AKAP7: variants seen among roughly 807,000 people sequenced by gnomAD.
AKAP7 encodes A-kinase anchoring protein 7.
Under a neutral mutation model 39.5 loss-of-function variants are expected in AKAP7, and 39 were observed. The observed-to-expected ratio is 0.99, with a 90% CI of 0.76 to 1.29. The LOEUF (loss-of-function observed/expected upper bound fraction) is 1.29. Among genes scored for constraint, AKAP7 ranks in the 50% most tolerant of loss-of-function variants. The pLI, the probability that AKAP7 is intolerant of heterozygous loss-of-function variation, is 0.00. For missense variants in AKAP7, 414 were observed against 407.7 expected, an observed-to-expected ratio of 1.02 and a Z score of -0.13; for synonymous variants, 140 against 139.1, an observed-to-expected ratio of 1.01 and a Z score of -0.05.
At chr6:131,220,947 G>A (rs1307397145) in intron 7 of AKAP7, among the ~76,000 whole-genome samples, 1 of 152,056 alleles carries the variant, frequency 6.6e-6, no homozygotes, top group Admixed American at 6.5e-5. Context: ...CCTGTGAAGA[G>A]TCGTACATCT....
intron 7 of AKAP7, among the ~76,000 whole-genome samples, chr6:131,237,795 T>C (rs1036262104): frequency 7.9e-5 from 12 of 152,296 alleles, no homozygotes; most frequent in Admixed American, 6.5e-4. Context: ...TTCTTCTCTC[T>C]TTTCTTCTTT....
At chr6:131,181,586 G>C (rs1177399668) in intron 5 of AKAP7, among the ~76,000 whole-genome samples, 3 of 152,112 alleles carry the variant, frequency 2.0e-5, no homozygotes, top group African/African-American at 4.8e-5. Context: ...GTTGGATCTA[G>C]GATAAAATCT....
At chr6:131,211,543 A>C (rs1188136812) in intron 6 of AKAP7, among the ~76,000 whole-genome samples, 1 of 151,932 alleles carries the variant, frequency 6.6e-6, no homozygotes, top group East Asian at 1.9e-4. Flanking sequence ...AGGTGGGCGG[A>C]TCACGAGGTC....
intron 6 of AKAP7, among the ~76,000 whole-genome samples, chr6:131,210,215 T>C (rs980033840): frequency 2.0e-5 from 3 of 152,238 alleles, no homozygotes; most frequent in African/African-American, 7.2e-5. Context: ...ACCATCAGAA[T>C]CTTACTCTCT....
At chr6:131,127,639 TAAC>T in the AKAP7 span, among the ~76,000 whole-genome samples, 1 of 152,116 alleles carries the variant, frequency 6.6e-6, no homozygotes, top group African/African-American at 2.4e-5. Context: ...AAAATACAAA[TAAC>T]AAACTAGGGG....
intron 6 of AKAP7, among the ~76,000 whole-genome samples, chr6:131,204,205 A>C (rs1460274712): frequency 6.6e-6 from 1 of 152,198 alleles, no homozygotes; most frequent in Non-Finnish European, 1.5e-5. Flanking sequence ...TAATTTAAAA[A>C]GAGAAGTTCT....
intron 5 of AKAP7, among the ~76,000 whole-genome samples, chr6:131,170,388 G>C (rs1803936153): frequency 1.3e-5 from 2 of 151,720 alleles, no homozygotes; most frequent in African/African-American, 2.4e-5. Flanking sequence ...TAATAACCTA[G>C]GAATCTACCA....
chr6:131,140,846 C>T (rs560244881), intron 1 of AKAP7, among the ~76,000 whole-genome samples: 50 of 152,242 alleles, frequency 3.3e-4, no homozygotes, highest in African/African-American at 1.2e-3. Flanking sequence ...TTTATTTAAG[C>T]CTAAGCTGCA....
intron 7 of AKAP7, among the ~76,000 whole-genome samples, chr6:131,258,671 C>T (rs543984322): frequency 1.2e-4 from 19 of 152,132 alleles, no homozygotes; most frequent in South Asian, 6.2e-4. Flanking sequence ...TAGACAAAAG[C>T]GGAACTGTAT....
intron 7 of AKAP7, among the ~76,000 whole-genome samples, chr6:131,258,180 T>A (rs899167737): frequency 6.6e-6 from 1 of 152,148 alleles, no homozygotes; most frequent in Non-Finnish European, 1.5e-5. Context: ...CTTCAATTAA[T>A]GTTGTTGAGC....
chr6:131,150,940 T>G (rs1314436427), intron 2 of AKAP7, among the ~76,000 whole-genome samples: 1 of 152,236 alleles, frequency 6.6e-6, no homozygotes, highest in African/African-American at 2.4e-5. Flanking sequence ...GCTAAATTAT[T>G]TATAAAACAT....
chr6:131,247,561 C>T (rs1279959874), intron 7 of AKAP7, among the ~76,000 whole-genome samples: 1 of 151,506 alleles, frequency 6.6e-6, no homozygotes, highest in Non-Finnish European at 1.5e-5. Flanking sequence ...ATCTCGTGAT[C>T]CACCCACCTT....
In AKAP7 at chr6:131,199,977, CT is replaced by C. The variant is rs1285624857; in HGVS notation, c.702+411del. 4.6e-5 allele frequency: 9 copies of C among 194,940 alleles called. No individual in the cohort carries two copies. In the South Asian group the frequency reaches 5.8e-4, roughly 13 times the overall value. The allele number at this position is 194,940 out of a possible 1,614,324, so 12.1% of individuals were successfully genotyped here. ...GTGCTGCTCACCGCAACTGGGTAAG[CT>C]TTTTTTACCCCTCTTCCTGTCGCTC... is the stretch of plus-strand genomic sequence containing the variant. On this transcript the variant is annotated intron_variant, in intron 6 of 7. Coordinates refer to ENST00000431975, the MANE Select transcript of AKAP7 (RefSeq NM_016377.4).
chr6:131,217,549 C>A (rs1809297457), intron 6 of AKAP7, among the ~76,000 whole-genome samples: 1 of 152,080 alleles, frequency 6.6e-6, no homozygotes, highest in Admixed American at 6.5e-5. Flanking sequence ...GGCGTCATGC[C>A]TTTTTGAACC....
chr6:131,151,661 G>A (rs1434229892), intron 2 of AKAP7, among the ~76,000 whole-genome samples: 3 of 152,032 alleles, frequency 2.0e-5, no homozygotes, highest in Non-Finnish European at 2.9e-5. Flanking sequence ...CAGGAGAATC[G>A]CTTGAACCTA....
At chr6:131,177,498 G>A (rs1804698955) in intron 5 of AKAP7, among the ~76,000 whole-genome samples, 1 of 152,178 alleles carries the variant, frequency 6.6e-6, no homozygotes, top group African/African-American at 2.4e-5. Context: ...CCAGTCCCAT[G>A]AAAGTGAGAA....
At chr6:131,227,447 T>A (rs1810267076) in intron 7 of AKAP7, among the ~76,000 whole-genome samples, 1 of 151,944 alleles carries the variant, frequency 6.6e-6, no homozygotes, top group Non-Finnish European at 1.5e-5. Flanking sequence ...TAATACTGAG[T>A]AGATAAATGT....
intron 6 of AKAP7, among the ~76,000 whole-genome samples, chr6:131,218,165 T>G (rs1809357929): frequency 6.6e-6 from 1 of 152,250 alleles, no homozygotes; most frequent in East Asian, 1.9e-4. Context: ...GTTTTAGACA[T>G]TGAACAAAAA....
chr6:131,273,528 A>G (rs1344043473), intron 7 of AKAP7, among the ~76,000 whole-genome samples: 1 of 152,140 alleles, frequency 6.6e-6, no homozygotes, highest in African/African-American at 2.4e-5. Context: ...GTTTTAAAGT[A>G]TACATCTGCC....
Sources: gnomAD v4.1 joint callset for allele counts (sites outside exome capture counted in the v4.1 genomes callset) on GRCh38, gnomAD v4.1.1 for gene constraint, MANE v1.5 for transcripts, NCBI Gene and HGNC (gene_info 2026-07-23, HGNC 2026-07-21) for gene names.